Variants in HYDIN observed in about 807,000 individuals in gnomAD.
HYDIN encodes axonemal central pair apparatus protein HYDIN.
Under a neutral mutation model 403.9 loss-of-function variants are expected in HYDIN, and 132 were observed. The observed-to-expected ratio is 0.33, with a 90% CI of 0.28 to 0.38. HYDIN has a LOEUF of 0.38. HYDIN is among the 10% of genes least tolerant of loss of function. The pLI is 1.00. For missense variants in HYDIN, 2,827 were observed against 5,009.5 expected, an observed-to-expected ratio of 0.56 and a Z score of 13.15; for synonymous variants, 1,202 against 1,891.7, an observed-to-expected ratio of 0.64 and a Z score of 9.46.
rs1169466655 is a variant in HYDIN at position 71,029,595 on chromosome 16, T to A, written c.2769-1720A>T. Among the ~76,000 whole-genome samples the A allele has an allele frequency of 1.4e-4, 17 of 118,374 alleles. No homozygotes were observed. In the Admixed American group the frequency reaches 1.5e-3, roughly 11 times the overall value. 77.7% of individuals were successfully genotyped at this position (118,374 alleles called of 152,430 possible). On this transcript the variant is annotated intron_variant, in intron 19 of 85. Coordinates refer to ENST00000393567, the MANE Select transcript of HYDIN (RefSeq NM_001270974.2). ...AGAAATTTGAAACTAGAAGCACTGG[T>A]ATGCAATGACAAACTACCCTCGCTT... is the stretch of plus-strand genomic sequence containing the variant.
intron 64 of HYDIN, 60 bp from the exon 65 acceptor site, chr16:70,872,239 C>T (rs2143655077): frequency 1.5e-6 from 1 of 667,938 alleles, no homozygotes; most frequent in East Asian, 2.9e-5. Flanking sequence ...GGCCTGCTGC[C>T]TTAAGGAGGC....
chr16:71,172,287 CATTGCAA>C (rs1174675742), intron 5 of HYDIN, among the ~76,000 whole-genome samples: 1 of 152,218 alleles, frequency 6.6e-6, no homozygotes, highest in Non-Finnish European at 1.5e-5. Flanking sequence ...TATGACAACA[CATTGCAA>C]ACAGATGCTT....
chr16:71,089,456 G>GCT lies in HYDIN; in HGVS notation c.1447-934_1447-933dup, dbSNP rs2083040738. 2.0e-5 allele frequency among the ~76,000 whole-genome samples: 3 copies of GCT among 152,040 alleles called. No homozygotes were observed. The South Asian group carries it at 6.3e-4, about 32-fold the overall frequency. On this transcript the variant is annotated intron_variant, in intron 11 of 85. Coordinates refer to ENST00000393567, the MANE Select transcript of HYDIN (RefSeq NM_001270974.2). ...GAACCACCCTCAACCTACACATAAG[G>GCT]CTTTGGAGGACAAAGAGCATGAGAG...
intron 11 of HYDIN, 51 bp from the exon 12 acceptor site, chr16:71,088,575 T>C (rs1413903964): frequency 3.1e-6 from 2 of 637,070 alleles, no homozygotes; most frequent in South Asian, 3.9e-5. Flanking sequence ...TCTGACCTAT[T>C]TTCATATAAG....
At chr16:71,228,196 A>G (rs200895213) in intron 1 of HYDIN, among the ~76,000 whole-genome samples, 53,252 of 151,504 alleles carry the variant, frequency 0.35, 9,783 homozygotes, top group East Asian at 0.57. Context: ...TAGACCTAAA[A>G]CCATAAAAAC....
rs2041673389 is a variant in HYDIN at position 70,894,464 on chromosome 16, T to C, written c.9233A>G (p.Tyr3078Cys). 1.9e-6 allele frequency: 3 copies of C among 1,592,518 alleles called. No individual in the cohort carries two copies. Among genetic ancestry groups the C allele is most frequent in the East Asian group, 4.5e-5 (2 of 44,766 alleles). ...QPLQLKNRGKYEIAFSFSVDS... is the reference protein window; with the variant it reads ...QPLQLKNRGKCEIAFSFSVDS... ...TTCCAGTTACCTGAACGCGATCTCA[T>C]ATTTCCCACGGTTCTTCAATTGCAG... is the stretch of plus-strand genomic sequence containing the variant. The change falls in exon 55 of 86, where the codon TAT becomes TGT. Residue 3078 changes from tyrosine to cysteine, a missense_variant. Tyr to Cys is a radical substitution (Grantham distance 194). Coordinates refer to ENST00000393567, the MANE Select transcript of HYDIN (RefSeq NM_001270974.2).
chr16:70,862,105 A>C lies in HYDIN; in HGVS notation c.11720T>G (p.Phe3907Cys), dbSNP rs1477570003. The change falls in exon 69 of 86, where the codon TTC becomes TGC. Residue 3907 changes from phenylalanine to cysteine, a missense_variant. Physicochemically the swap from Phe to Cys is radical, Grantham distance 205. Transcript: ENST00000393567. ...GTCCAACGGGGAGAATTTTACTTTG[A>C]ACTTCTGAATCTTCCCCACCGGCAC... ...GIVPVGKIQKFKVKFSPLDIG... is the reference protein window; with the variant it reads ...GIVPVGKIQKCKVKFSPLDIG... 6 of 1,611,662 alleles carry C rather than the reference A, an allele frequency of 3.7e-6. No homozygotes were observed. Among genetic ancestry groups the C allele is most frequent in the Non-Finnish European group, 5.1e-6 (6 of 1,178,968 alleles).
chr16:71,010,221 G>C (rs1258974988), intron 23 of HYDIN, among the ~76,000 whole-genome samples: 1 of 151,516 alleles, frequency 6.6e-6, no homozygotes, highest in Non-Finnish European at 1.5e-5. Context: ...TGGCCCCAGG[G>C]CTAAATGCTT....
chr16:71,050,110 G>A (rs1487563531), intron 18 of HYDIN, among the ~76,000 whole-genome samples: 2 of 146,150 alleles, frequency 1.4e-5, no homozygotes, highest in Non-Finnish European at 3.0e-5. Flanking sequence ...AACATTTGAA[G>A]AGATAATGGC....
intron 45 of HYDIN, among the ~76,000 whole-genome samples, chr16:70,923,647 CAAAAAA>C (rs57860871): frequency 8.7e-5 from 6 of 69,292 alleles, no homozygotes; most frequent in African/African-American, 3.2e-4. Flanking sequence ...CTAAAAAATA[CAAAAAA>C]AAAAAAAAAA....
chr16:70,956,073 GC>G (rs1198941434), intron 39 of HYDIN, among the ~76,000 whole-genome samples: 1 of 152,132 alleles, frequency 6.6e-6, no homozygotes, highest in Non-Finnish European at 1.5e-5. Context: ...ACCTGCCTTG[GC>G]CTCCCAAAGT....
At chr16:70,956,632 C>T (rs1214022687) in intron 39 of HYDIN, among the ~76,000 whole-genome samples, 1 of 151,986 alleles carries the variant, frequency 6.6e-6, no homozygotes, top group Non-Finnish European at 1.5e-5. Flanking sequence ...CTGGGAGATG[C>T]TATGCTGATG....
chr16:71,054,504 A>G (rs920969506), intron 18 of HYDIN, among the ~76,000 whole-genome samples: 2 of 152,138 alleles, frequency 1.3e-5, no homozygotes, highest in Non-Finnish European at 2.9e-5. Flanking sequence ...TAATACAGTC[A>G]ATTCCCCAAG....
chr16:70,989,885 T>A (rs972981287), intron 25 of HYDIN, among the ~76,000 whole-genome samples: 1 of 152,118 alleles, frequency 6.6e-6, no homozygotes, highest in African/African-American at 2.4e-5. Flanking sequence ...AGAAAAAAAA[T>A]TCCTGCCCTC....
intron 64 of HYDIN, among the ~76,000 whole-genome samples, chr16:70,872,739 T>A (rs1330103443): frequency 2.8e-5 from 3 of 108,270 alleles, no homozygotes; most frequent in African/African-American, 4.4e-5. Context: ...TTATCCACCC[T>A]CCCATCCATC....
rs2041510406 is a variant in HYDIN, at chr16:70,892,230, T to C, written c.9417+131A>G. ...GTTAGGACAGAACCCCGGTGTATCC[T>C]ATCTGGTTGCCACCCAGGCCAGCCC... On this transcript the variant is annotated intron_variant, in intron 56 of 85. Coordinates refer to ENST00000393567, the MANE Select transcript of HYDIN (RefSeq NM_001270974.2). 4 of 899,818 alleles carry C rather than the reference T, an allele frequency of 4.4e-6. No individual in the cohort carries two copies. In the South Asian group the frequency reaches 5.7e-5, roughly 13 times the overall value. 55.7% of individuals were successfully genotyped at this position (899,818 alleles called of 1,614,324 possible). A position where few individuals can be genotyped will look rare whatever the true frequency, so the allele number is the denominator to read the frequency against.
intron 58 of HYDIN, among the ~76,000 whole-genome samples, chr16:70,884,427 T>C (rs1189054483): frequency 6.6e-6 from 1 of 151,456 alleles, no homozygotes; most frequent in Non-Finnish European, 1.5e-5. Context: ...CTTATTCAGC[T>C]GGGCATCTTG....
intron 12 of HYDIN, among the ~76,000 whole-genome samples, chr16:71,087,404 C>T (rs1260068757): frequency 6.8e-6 from 1 of 146,744 alleles, no homozygotes; most frequent in Admixed American, 6.9e-5. Context: ...TCCTAATGTC[C>T]TCTCCTTATA....
At chr16:71,187,757 A>C (rs984345720) in intron 1 of HYDIN, among the ~76,000 whole-genome samples, 3 of 152,156 alleles carry the variant, frequency 2.0e-5, no homozygotes, top group African/African-American at 7.2e-5. Flanking sequence ...TTGAAGGAAA[A>C]TGTAATAAGG....
Sources: gnomAD v4.1 joint callset for allele counts (sites outside exome capture counted in the v4.1 genomes callset) on GRCh38, gnomAD v4.1.1 for gene constraint, MANE v1.5 for transcripts, NCBI Gene and HGNC (gene_info 2026-07-23, HGNC 2026-07-21) for gene names.